FAM114A2: variants seen among roughly 807,000 people sequenced by gnomAD.
FAM114A2 encodes the protein family with sequence similarity 114 member A2, also known as protein FAM114A2.
A neutral mutation model predicts 58.4 loss-of-function variants in FAM114A2; 53 were observed. That is an observed-to-expected ratio of 0.91 (90% CI 0.73 to 1.14). The LOEUF is 1.14. FAM114A2 is among the 50% of genes most tolerant of loss of function. The pLI is 0.00. For synonymous variants in FAM114A2, 228 were observed against 211.4 expected, an observed-to-expected ratio of 1.08 and a Z score of -0.68; for missense variants, 601 against 581.1, an observed-to-expected ratio of 1.03 and a Z score of -0.35.
intron 8 of FAM114A2, among the ~76,000 whole-genome samples, chr5:154,014,711 G>C (rs1770914189): frequency 6.6e-6 from 1 of 152,178 alleles, no homozygotes; most frequent in Non-Finnish European, 1.5e-5. Context: ...TCCTTGGGGA[G>C]GATGGCCAGA....
In FAM114A2 at chr5:153,991,670, T is replaced by C. The variant is rs1336019703; in HGVS notation, c.*1306A>G. ...CGTAGAAACAGTCTTTATACTAATC[T>C]ATGTTATGGCTTTGCTTTGCTATTT... On this transcript the variant is annotated 3_prime_UTR_variant, in exon 14 of 14. Transcript: ENST00000351797. 2.6e-5 allele frequency: 4 copies of C among 151,542 alleles called. No individual in the cohort carries two copies. Among genetic ancestry groups the C allele is most frequent in the African/African-American group, 9.7e-5 (4 of 41,200 alleles). 9.4% of individuals were successfully genotyped at this position (151,542 alleles called of 1,614,324 possible).
Position 154,033,869 on chromosome 5 carries a change from T to G in FAM114A2, c.325A>C (p.Asn109His), listed in dbSNP as rs375074380. The G allele has an allele frequency of 1.2e-6, 2 of 1,606,328 alleles. No homozygotes were observed. Among genetic ancestry groups the G allele is most frequent in the African/African-American group, 2.7e-5 (2 of 74,720 alleles). Residue 109 changes from asparagine to histidine, a missense_variant, in exon 4 of 14, where the codon AAT becomes CAT. By Grantham distance (68) the Asn-to-His change is moderately conservative. Coordinates refer to ENST00000351797, the MANE Select transcript of FAM114A2 (RefSeq NM_018691.4). Reference sequence around the variant, plus strand: ...GAAGTCTCTGCCTTCTCGATGACATTTGAAATGCCTTGTCCTAATGAGAAA... The same window carrying G: ...GAAGTCTCTGCCTTCTCGATGACATGTGAAATGCCTTGTCCTAATGAGAAA... ...TVATVGQGIS[N>H]VIEKAETSLG...
At chr5:153,996,991 T>TAAAAAAAAAAAAAAA (rs57110256) in intron 12 of FAM114A2, among the ~76,000 whole-genome samples, 3 of 121,300 alleles carry the variant, frequency 2.5e-5, no homozygotes, top group Admixed American at 8.4e-5. Context: ...GAGCAAAACT[T>TAAAAAAAAAAAAAAA]AAAAAAAAAA....
chr5:153,999,589 C>T (rs555410784), intron 11 of FAM114A2, among the ~76,000 whole-genome samples: 12 of 150,410 alleles, frequency 8.0e-5, no homozygotes, highest in South Asian at 2.1e-4. Context: ...AACGAGATTG[C>T]GCCACTGCAC....
rs1481146055 is a variant in FAM114A2, at chr5:154,029,584, C to T, written c.404-4G>A. The T allele has an allele frequency of 3.9e-6, 6 of 1,549,630 alleles. No individual in the cohort carries two copies. The highest frequency in any genetic ancestry group is 3.4e-5 in the Admixed American group (2 of 59,632). ...TTCTCTTTGGCATTTGTCTCTCCTACAAGAGGGAGGGGATGTGTAAACATG... is the reference window on the plus strand; with the variant it reads ...TTCTCTTTGGCATTTGTCTCTCCTATAAGAGGGAGGGGATGTGTAAACATG... On this transcript the variant is annotated splice_region_variant and splice_polypyrimidine_tract_variant and intron_variant, in intron 4 of 13. Transcript: ENST00000351797.
intron 6 of FAM114A2, 121 bp downstream of exon 6, chr5:154,028,028 G>A (rs911764767): frequency 1.8e-5 from 15 of 851,066 alleles, no homozygotes; most frequent in African/African-American, 3.4e-5. Flanking sequence ...CCAAAAAAAC[G>A]CCTGAATAAA....
intron 12 of FAM114A2, among the ~76,000 whole-genome samples, chr5:153,996,570 A>T (rs1278547099): frequency 1.2e-4 from 2 of 17,388 alleles, no homozygotes; most frequent in Admixed American, 6.8e-4. Flanking sequence ...TAGGAAAATT[A>T]AAAAAAAAAA....
At position 154,002,323 on chromosome 5, in the gene FAM114A2, T is replaced by G. The variant is rs778396391; in HGVS notation, c.1184A>C (p.Lys395Thr). The change falls in exon 11 of 14, where the codon AAA becomes ACA. Residue 395 changes from lysine to threonine, a missense_variant. Coordinates refer to ENST00000351797, the MANE Select transcript of FAM114A2 (RefSeq NM_018691.4). The part of the protein sequence containing the change: ...LTACSIELFH[K>T]TAALVLHGRK... ...GCCATGCAGAACCAATGCAGCTGTT[T>G]TGTGGAATAGTTCAATTGAGCAGGC... 3 of 1,614,112 alleles carry G rather than the reference T, an allele frequency of 1.9e-6. No individual in the cohort carries two copies. Among genetic ancestry groups the G allele is most frequent in the Admixed American group, 3.3e-5 (2 of 60,028 alleles).
intron 4 of FAM114A2, among the ~76,000 whole-genome samples, chr5:154,032,411 G>A (rs772185620): frequency 8.5e-5 from 13 of 152,086 alleles, no homozygotes; most frequent in Admixed American, 8.5e-4. Flanking sequence ...ATGGCCCTCT[G>A]TGGTAGATAT....
chr5:154,018,707 CCATGATCAAGTGGGTTT>C (rs1461452566), intron 8 of FAM114A2, among the ~76,000 whole-genome samples: 1 of 152,128 alleles, frequency 6.6e-6, no homozygotes, highest in Non-Finnish European at 1.5e-5. Flanking sequence ...AGATAATCCA[CCATGATCAAGTGGGTTT>C]CATACTAGGG....
chr5:154,002,840 T>C lies in FAM114A2; in HGVS notation c.1116+7A>G. The C allele has an allele frequency of 6.2e-7, 1 of 1,613,976 alleles. No individual in the cohort carries two copies. Among genetic ancestry groups the C allele is most frequent in the Non-Finnish European group, 8.5e-7 (1 of 1,179,922 alleles). ...ACAAACAAAAAAGGCTTAGTTGCTT[T>C]GGCTACCTCTATTGAATTTTTGTTG... is the stretch of plus-strand genomic sequence containing the variant. On this transcript the variant is annotated splice_region_variant and intron_variant, in intron 10 of 13. Transcript: ENST00000351797.
At chr5:154,023,488 C>T (rs1771570279) in intron 8 of FAM114A2, among the ~76,000 whole-genome samples, 2 of 152,104 alleles carry the variant, frequency 1.3e-5, no homozygotes, top group African/African-American at 4.8e-5. Context: ...CTGGATGAGA[C>T]TGGATGCTAT....
At chr5:154,018,460 ACAG>A (rs1272629844) in intron 8 of FAM114A2, among the ~76,000 whole-genome samples, 3 of 152,208 alleles carry the variant, frequency 2.0e-5, no homozygotes, top group Admixed American at 6.5e-5. Context: ...AGACGGATTC[ACAG>A]CAGAATTCCA....
chr5:154,026,955 T>G (rs1453106455), intron 7 of FAM114A2, among the ~76,000 whole-genome samples: 1 of 152,146 alleles, frequency 6.6e-6, no homozygotes, highest in Non-Finnish European at 1.5e-5. Flanking sequence ...TTAACCTTTT[T>G]TGTTTAAATT....
At chr5:154,008,688 G>A (rs1770504775) in intron 9 of FAM114A2, among the ~76,000 whole-genome samples, 3 of 152,112 alleles carry the variant, frequency 2.0e-5, no homozygotes, top group Admixed American at 2.0e-4. Flanking sequence ...GTGTGTGTGT[G>A]TGTTTATTTG....
intron 4 of FAM114A2, among the ~76,000 whole-genome samples, chr5:154,030,144 G>C (rs1772084036): frequency 6.6e-6 from 1 of 151,946 alleles, no homozygotes; most frequent in South Asian, 2.1e-4. Flanking sequence ...CACCTAAAAA[G>C]AATAAATTTT....
chr5:154,001,593 C>G (rs1769976914), intron 11 of FAM114A2, among the ~76,000 whole-genome samples: 1 of 152,190 alleles, frequency 6.6e-6, no homozygotes. Context: ...CACTCTTATA[C>G]ATTTGTTTCC....
chr5:154,002,292 C>A lies in FAM114A2; in HGVS notation c.1215G>T (p.Lys405Asn). 1.2e-6 allele frequency: 2 copies of A among 1,614,018 alleles called. No individual in the cohort carries two copies. Reference protein sequence around the residue: ...KTAALVLHGRKQEVTAIERSQ... With the variant: ...KTAALVLHGRNQEVTAIERSQ... ...TCCTTTCTATGGCTGTCACTTCCTG[C>A]TTCCTGCCATGCAGAACCAATGCAG... is the stretch of plus-strand genomic sequence containing the variant. Residue 405 changes from lysine (K) to asparagine (N), a missense_variant, in exon 11 of 14, where the codon AAG becomes AAT. Coordinates refer to ENST00000351797, the MANE Select transcript of FAM114A2 (RefSeq NM_018691.4).
chr5:154,024,366 A>G (rs550751014), intron 8 of FAM114A2, among the ~76,000 whole-genome samples: 1 of 152,232 alleles, frequency 6.6e-6, no homozygotes, highest in Non-Finnish European at 1.5e-5. Flanking sequence ...GTAAACCCAT[A>G]CCACTTATTA....
Sources: allele counts gnomAD v4.1 joint callset (sites outside exome capture counted in the v4.1 genomes callset), GRCh38; gene constraint gnomAD v4.1.1; transcripts MANE v1.5; gene names NCBI Gene and HGNC (gene_info 2026-07-23, HGNC 2026-07-21).